The following EFCAB8 variants were observed in gnomAD, a reference collection of about 807,000 sequenced individuals.
EFCAB8 encodes EF-hand calcium binding domain 8, also known as EF-hand calcium-binding domain-containing protein 8.
EFCAB8 carries 100 observed loss-of-function variants against 116.3 expected under a neutral mutation model. The ratio of observed to expected loss-of-function variants is 0.86; its 90% CI spans 0.73 to 1.02. EFCAB8 has a LOEUF of 1.02. EFCAB8 is among the 50% of genes least tolerant of loss of function. The pLI is 0.00. For synonymous variants in EFCAB8, 558 were observed against 567.9 expected, an observed-to-expected ratio of 0.98 and a Z score of 0.25; for missense variants, 1,320 against 1,416.9, an observed-to-expected ratio of 0.93 and a Z score of 1.10.
chr20:32,887,065 A>G (rs6141843), intron 6 of EFCAB8, among the ~76,000 whole-genome samples: 90,588 of 151,934 alleles, frequency 0.6, 28,344 homozygotes, highest in Middle Eastern at 0.73. Flanking sequence ...CTTCACCGCC[A>G]GAACCACCTG....
intron 9 of EFCAB8, among the ~76,000 whole-genome samples, chr20:32,895,251 C>A (rs1227119572): frequency 1.3e-5 from 2 of 151,982 alleles, no homozygotes; most frequent in Non-Finnish European, 2.9e-5. Context: ...TGCTAAGCCC[C>A]ATGAGGGCTG....
At position 32,917,933 on chromosome 20, in the gene EFCAB8, T is replaced by G. The variant is rs776481497; in HGVS notation, c.2061+428T>G. ...CAGCAGATCAAAGCAGGAAGGGACCTTAGGGGCCGCCTCATCCAGGGGTTT... is the reference window on the plus strand; with the variant it reads ...CAGCAGATCAAAGCAGGAAGGGACCGTAGGGGCCGCCTCATCCAGGGGTTT... On this transcript the variant is annotated intron_variant, in intron 18 of 26. Transcript: ENST00000400522. Among the ~76,000 whole-genome samples, 75 of 152,316 alleles carry G rather than the reference T, an allele frequency of 4.9e-4. 1 individual carries two copies. Among genetic ancestry groups the G allele is most frequent in the Non-Finnish European group, 5.9e-4 (40 of 68,030 alleles).
chr20:32,911,565 G>T lies in EFCAB8; in HGVS notation c.1643G>T (p.Gly548Val), dbSNP rs369336389. 2.9e-4 allele frequency: 444 copies of T among 1,544,970 alleles called. No homozygotes were observed. The highest frequency in any genetic ancestry group is 3.7e-4 in the Non-Finnish European group (423 of 1,142,524). ...ACGATGGAGTTTGCTGTGTCTGGGG[G>T]CCAGCACGTGGAGATGACCGCCATG... ...RKTMEFAVSG[G>V]QHVEMTAMAL... Residue 548 changes from glycine (G) to valine (V), a missense_variant, in exon 16 of 27, where the codon GGC (glycine) becomes GTC (valine). Physicochemically the swap from Gly to Val is moderately radical, Grantham distance 109. Transcript: ENST00000400522.
chr20:32,912,581 A>G (rs1323904465), intron 16 of EFCAB8, among the ~76,000 whole-genome samples: 1 of 152,176 alleles, frequency 6.6e-6, no homozygotes, highest in Non-Finnish European at 1.5e-5. Context: ...TAAAATGGAC[A>G]TGGATGCCTA....
intron 24 of EFCAB8, 31 bp from the exon 25 acceptor site, chr20:32,959,747 G>A: frequency 1.4e-6 from 2 of 1,435,266 alleles, no homozygotes; most frequent in Non-Finnish European, 1.9e-6. Flanking sequence ...GCAGTGGGGG[G>A]ACATCTTGTG....
rs1399461043 is a variant in EFCAB8, at chr20:32,858,924, TTG to T, written c.-91_-90del. 6.4e-6 allele frequency: 3 copies of T among 469,640 alleles called. No homozygotes were observed. Among genetic ancestry groups the T allele is most frequent in the Admixed American group, 4.7e-5 (2 of 42,442 alleles). 29.1% of individuals were successfully genotyped at this position (469,640 alleles called of 1,614,324 possible). ...GGACTGGGAACAGCTGCCAATGTCT[TTG>T]TTGAGATGGGAGTTGGAAAGTGTTA... On this transcript the variant is annotated 5_prime_UTR_variant, in exon 1 of 27. Coordinates refer to ENST00000400522, the MANE Select transcript of EFCAB8 (RefSeq NM_001143967.2).
chr20:32,860,714 C>A (rs1216140358), intron 1 of EFCAB8, among the ~76,000 whole-genome samples: 1 of 151,676 alleles, frequency 6.6e-6, no homozygotes, highest in East Asian at 1.9e-4. Context: ...ATAGTGTGCA[C>A]CCTTTTCTGC....
At chr20:32,871,663 A>C (rs1368259576) in intron 3 of EFCAB8, among the ~76,000 whole-genome samples, 1 of 152,110 alleles carries the variant, frequency 6.6e-6, no homozygotes, top group African/African-American at 2.4e-5. Flanking sequence ...GATAAAGGAA[A>C]ATAGGATCAT....
chr20:32,943,311 A>G (rs577243799), intron 22 of EFCAB8, among the ~76,000 whole-genome samples: 7 of 152,376 alleles, frequency 4.6e-5, no homozygotes, highest in South Asian at 4.1e-4. Flanking sequence ...GTTCAAATGG[A>G]ATAATGTGTA....
At chr20:32,882,356 C>T (rs556946287) in intron 5 of EFCAB8, among the ~76,000 whole-genome samples, 84 of 152,302 alleles carry the variant, frequency 5.5e-4, no homozygotes, top group African/African-American at 1.8e-3. Flanking sequence ...CACTTGATAG[C>T]TGTTCACGGC....
In EFCAB8 at chr20:32,943,770, C is replaced by T. The variant is rs1445265269; in HGVS notation, c.2925C>T (p.Asp975=). The T allele has an allele frequency of 1.4e-5, 6 of 416,738 alleles. No homozygotes were observed. Among genetic ancestry groups the T allele is most frequent in the Non-Finnish European group, 2.2e-5 (5 of 226,418 alleles). 25.8% of individuals were successfully genotyped at this position (416,738 alleles called of 1,614,324 possible). Residue 975 remains aspartate, a synonymous_variant, in exon 23 of 27, where the codon GAC becomes GAT. Transcript: ENST00000400522. The stretch of plus-strand genomic sequence containing the variant: ...TTATCAGCGCTGGCCAGGACCGGGA[C>T]GTCAAGGCTTGGAAACTCTCCGGTG... The part of the protein sequence containing the change: ...QLVISAGQDR[D]VKAWKLSGDA...
chr20:32,883,816 G>T (rs1254950857), intron 5 of EFCAB8, among the ~76,000 whole-genome samples: 2 of 152,022 alleles, frequency 1.3e-5, no homozygotes, highest in Non-Finnish European at 2.9e-5. Flanking sequence ...TCAGCCTCCT[G>T]AGTAGCTGGG....
chr20:32,866,079 G>A (rs1367158043), intron 2 of EFCAB8, among the ~76,000 whole-genome samples: 2 of 152,160 alleles, frequency 1.3e-5, no homozygotes, highest in Non-Finnish European at 2.9e-5. Flanking sequence ...TGTAGTGAGA[G>A]CCTTCACGTG....
intron 20 of EFCAB8, among the ~76,000 whole-genome samples, chr20:32,924,064 G>GT (rs1031512121): frequency 7.9e-5 from 12 of 152,140 alleles, no homozygotes; most frequent in Admixed American, 6.5e-4. Context: ...GTTATTTTTT[G>GT]TTTTTTGAGA....
At chr20:32,905,362 A>T (rs1986626003) in intron 11 of EFCAB8, among the ~76,000 whole-genome samples, 1 of 152,106 alleles carries the variant, frequency 6.6e-6, no homozygotes, top group African/African-American at 2.4e-5. Flanking sequence ...GTTTCATGTG[A>T]AGTTTGATGA....
intron 5 of EFCAB8, among the ~76,000 whole-genome samples, chr20:32,879,410 G>A (rs971414157): frequency 1.7e-4 from 26 of 152,166 alleles, no homozygotes; most frequent in African/African-American, 5.8e-4. Context: ...TCCTCCACCC[G>A]CTGTGCCCAC....
chr20:32,955,018 C>T (rs968785878), intron 23 of EFCAB8, among the ~76,000 whole-genome samples: 20 of 146,886 alleles, frequency 1.4e-4, no homozygotes, highest in African/African-American at 5.1e-4. Flanking sequence ...CTATCCTCCC[C>T]ATGAGTAGAG....
In EFCAB8 at chr20:32,918,552, C is replaced by T; in HGVS notation, c.2252C>T (p.Pro751Leu). 2.6e-6 allele frequency: 4 copies of T among 1,551,592 alleles called. No individual in the cohort carries two copies. Among genetic ancestry groups the T allele is most frequent in the Non-Finnish European group, 3.5e-6 (4 of 1,146,960 alleles). Residue 751 changes from proline (P) to leucine (L), a missense_variant, in exon 19 of 27, where the codon CCA becomes CTA. Pro to Leu is a moderately conservative substitution (Grantham distance 98, BLOSUM62 -3). Transcript: ENST00000400522. ...ATGCGGTGCCCGAGAGACAAGGAGC[C>T]AGACAGGCCTGTGCCCCAGCAGGTG... ...PVMRCPRDKEPDRPVPQQKPS... is the reference protein window; with the variant it reads ...PVMRCPRDKELDRPVPQQKPS...
intron 26 of EFCAB8, among the ~76,000 whole-genome samples, chr20:32,960,768 C>G (rs902246158): frequency 6.6e-6 from 1 of 152,244 alleles, no homozygotes; most frequent in Admixed American, 6.5e-5. Flanking sequence ...TGCAGGGCCC[C>G]CCTGTCTCGG....
Sources: gnomAD v4.1 joint callset for allele counts (sites outside exome capture counted in the v4.1 genomes callset) on GRCh38, gnomAD v4.1.1 for gene constraint, MANE v1.5 for transcripts, NCBI Gene and HGNC (gene_info 2026-07-23, HGNC 2026-07-21) for gene names.